Variants in SCAPER observed in about 807,000 individuals in gnomAD.
SCAPER encodes the protein S-phase cyclin A associated protein in the ER, also known as S phase cyclin A-associated protein in the endoplasmic reticulum.
Under a neutral mutation model 182.2 loss-of-function variants are expected in SCAPER, and 98 were observed. That is an observed-to-expected ratio of 0.54 (90% CI 0.46 to 0.64). The LOEUF is 0.64. Ranked by LOEUF, SCAPER falls within the 30% of genes least tolerant of loss-of-function variation. SCAPER has a pLI of 0.00. For missense variants in SCAPER, 1,432 were observed against 1,690.0 expected (o/e 0.85, Z 2.68); for synonymous variants, 605 against 564.6 (o/e 1.07, Z -1.01).
chr15:76,671,965 G>A (rs2057049942), intron 20 of SCAPER, among the ~76,000 whole-genome samples: 1 of 152,126 alleles, frequency 6.6e-6, no homozygotes, highest in South Asian at 2.1e-4. Context: ...GAGGGGCTCT[G>A]GCGACTTCAA....
chr15:76,886,555 T>C (rs997850278), intron 1 of SCAPER, among the ~76,000 whole-genome samples: 2 of 152,188 alleles, frequency 1.3e-5, no homozygotes, highest in African/African-American at 4.8e-5. Context: ...TATACACTGT[T>C]GGTGGGAGTG....
rs549998809 is a variant in SCAPER, at chr15:76,377,837, G to A, written c.3706-1526C>T. 1.8e-4 allele frequency among the ~76,000 whole-genome samples: 27 copies of A among 152,352 alleles called. No homozygotes were observed. In the East Asian group the frequency reaches 4.6e-3, roughly 26 times the overall value. On this transcript the variant is annotated intron_variant, in intron 28 of 31. Coordinates refer to ENST00000563290, the MANE Select transcript of SCAPER (RefSeq NM_020843.4). ...TGTGGCTTTGAAGAAGGGTGAAGGA[G>A]CACTGGGAATGCTGCATTCAGTTTC...
intron 15 of SCAPER, among the ~76,000 whole-genome samples, chr15:76,742,494 A>AAAAAAAAAAAAAAAAG (rs1567986942): frequency 1.8e-5 from 2 of 108,662 alleles, no homozygotes; most frequent in African/African-American, 3.4e-5. Flanking sequence ...AAAAAAAAAA[A>AAAAAAAAAAAAAAAAG]GAATAAAAAT....
intron 22 of SCAPER, among the ~76,000 whole-genome samples, chr15:76,594,951 T>C (rs2049385468): frequency 8.2e-6 from 1 of 121,350 alleles, no homozygotes; most frequent in Admixed American, 9.4e-5. Context: ...AGAATAATAA[T>C]GACAGGATGA....
At chr15:76,861,623 AAAT>A (rs1055809585) in intron 3 of SCAPER, among the ~76,000 whole-genome samples, 4 of 152,190 alleles carry the variant, frequency 2.6e-5, no homozygotes, top group Non-Finnish European at 4.4e-5. Flanking sequence ...TTTCTTGTTC[AAAT>A]AATAATAATG....
intron 22 of SCAPER, among the ~76,000 whole-genome samples, chr15:76,609,230 T>C (rs1400705704): frequency 2.0e-5 from 3 of 151,882 alleles, no homozygotes; most frequent in South Asian, 2.1e-4. Flanking sequence ...CTCTCACCTA[T>C]AATCCCAGTG....
At chr15:76,656,727 A>G (rs542237804) in intron 21 of SCAPER, among the ~76,000 whole-genome samples, 1 of 152,268 alleles carries the variant, frequency 6.6e-6, no homozygotes, top group African/African-American at 2.4e-5. Flanking sequence ...AGAAGTAGGT[A>G]TCAATTCTAA....
chr15:76,519,881 T>G (rs968297296), intron 23 of SCAPER, among the ~76,000 whole-genome samples: 2 of 152,214 alleles, frequency 1.3e-5, no homozygotes, highest in Non-Finnish European at 2.9e-5. Flanking sequence ...TTCCTTTTTC[T>G]AGGCTTCACA....
intron 23 of SCAPER, among the ~76,000 whole-genome samples, chr15:76,554,099 G>A (rs957249485): frequency 3.3e-5 from 5 of 152,134 alleles, no homozygotes. Context: ...AAACAATACA[G>A]GAGCTAAAAG....
chr15:76,880,451 A>G (rs2073460277), intron 2 of SCAPER, among the ~76,000 whole-genome samples: 1 of 152,228 alleles, frequency 6.6e-6, no homozygotes, highest in Non-Finnish European at 1.5e-5. Context: ...GAAATGTACT[A>G]TTACAGTTCT....
At chr15:76,878,186 T>A (rs771271129) in intron 2 of SCAPER, among the ~76,000 whole-genome samples, 1 of 151,818 alleles carries the variant, frequency 6.6e-6, no homozygotes, top group Non-Finnish European at 1.5e-5. Context: ...CAAAAGTATA[T>A]ATGAGAATTC....
intron 20 of SCAPER, among the ~76,000 whole-genome samples, chr15:76,701,069 T>A (rs895049758): frequency 2.7e-5 from 4 of 146,868 alleles, no homozygotes; most frequent in African/African-American, 1.0e-4. Flanking sequence ...TTGAGATTTA[T>A]GCTCTTGACT....
chr15:76,519,310 T>TA (rs1038356084), intron 23 of SCAPER, among the ~76,000 whole-genome samples: 8 of 151,140 alleles, frequency 5.3e-5, no homozygotes, highest in Non-Finnish European at 1.2e-4. Context: ...GTAAAGATCC[T>TA]AAAAAAAAAC....
chr15:76,787,800 T>C (rs2064720327), intron 8 of SCAPER, among the ~76,000 whole-genome samples: 1 of 152,068 alleles, frequency 6.6e-6, no homozygotes, highest in Non-Finnish European at 1.5e-5. Flanking sequence ...AATCTATGGG[T>C]AGACAATGAA....
intron 5 of SCAPER, among the ~76,000 whole-genome samples, chr15:76,830,006 T>C (rs1392521701): frequency 1.3e-5 from 2 of 152,198 alleles, no homozygotes; most frequent in Non-Finnish European, 2.9e-5. Flanking sequence ...GTCTGAAACG[T>C]AAGTTAGGCT....
rs2040298184 is a variant in SCAPER at position 76,348,062 on chromosome 15, A to G, written c.*571T>C. On this transcript the variant is annotated 3_prime_UTR_variant, in exon 32 of 32. Transcript: ENST00000563290. ...TGCCAAGAGAGGATTATCTGCTAGG[A>G]GAGTTCGGGCAGACCAATGAATACA... is the stretch of plus-strand genomic sequence containing the variant. The G allele has an allele frequency of 6.6e-6, 1 of 152,268 alleles. No homozygotes were observed. Among genetic ancestry groups the G allele is most frequent in the Non-Finnish European group, 1.5e-5 (1 of 68,054 alleles). 9.4% of individuals were successfully genotyped at this position (152,268 alleles called of 1,614,324 possible).
chr15:76,834,735 C>A (rs1264124093), intron 5 of SCAPER, among the ~76,000 whole-genome samples: 1 of 152,214 alleles, frequency 6.6e-6, no homozygotes, highest in East Asian at 1.9e-4. Flanking sequence ...ACCAACCCCA[C>A]AGAAATACAA....
intron 25 of SCAPER, among the ~76,000 whole-genome samples, chr15:76,453,902 G>A (rs1261486076): frequency 1.3e-5 from 2 of 152,160 alleles, no homozygotes; most frequent in Non-Finnish European, 2.9e-5. Context: ...TAAACTGACA[G>A]ATCAGTTATC....
intron 15 of SCAPER, among the ~76,000 whole-genome samples, chr15:76,740,678 A>G (rs1178587239): frequency 6.6e-6 from 1 of 152,222 alleles, no homozygotes; most frequent in Non-Finnish European, 1.5e-5. Flanking sequence ...CAAGGGACAG[A>G]GCATATATGA....
Sources: allele counts gnomAD v4.1 joint callset (sites outside exome capture counted in the v4.1 genomes callset), GRCh38; gene constraint gnomAD v4.1.1; transcripts MANE v1.5; gene names NCBI Gene and HGNC (gene_info 2026-07-23, HGNC 2026-07-21).